LRP1B: variants seen among roughly 807,000 people sequenced by gnomAD.
The protein encoded by LRP1B is LDL receptor related protein 1B.
In LRP1B, 217 loss-of-function variants were observed where a neutral mutation model predicts 556.6. That is an observed-to-expected ratio of 0.39 (90% CI 0.35 to 0.44). The LOEUF (loss-of-function observed/expected upper bound fraction) is 0.44. LRP1B is among the 20% of genes least tolerant of loss of function. The pLI, the probability that LRP1B is intolerant of heterozygous loss-of-function variation, is 1.00. For missense variants in LRP1B, 5,053 were observed against 5,620.8 expected, an observed-to-expected ratio of 0.90 and a Z score of 3.23; for synonymous variants, 2,047 against 1,865.8, an observed-to-expected ratio of 1.10 and a Z score of -2.50.
chr2:140,737,365 C>G (rs1429067105), intron 35 of LRP1B, among the ~76,000 whole-genome samples: 1 of 151,984 alleles, frequency 6.6e-6, no homozygotes, highest in Non-Finnish European at 1.5e-5. Context: ...CTCTGATGAC[C>G]CAAGGTGAAA....
intron 72 of LRP1B, among the ~76,000 whole-genome samples, 181 bp downstream of exon 72, chr2:140,364,480 A>G (rs1294777247): frequency 2.0e-5 from 3 of 151,652 alleles, no homozygotes; most frequent in Non-Finnish European, 3.0e-5. Context: ...CTATAAAGTC[A>G]TAACTTCGGA....
intron 59 of LRP1B, among the ~76,000 whole-genome samples, chr2:140,476,622 C>A (rs892881804): frequency 1.3e-5 from 2 of 151,878 alleles, no homozygotes; most frequent in Non-Finnish European, 2.9e-5. Flanking sequence ...TGTGTTTTGA[C>A]AATCATTTTC....
At chr2:141,181,237 T>C (rs1680976981) in intron 7 of LRP1B, among the ~76,000 whole-genome samples, 1 of 151,880 alleles carries the variant, frequency 6.6e-6, no homozygotes, top group African/African-American at 2.4e-5. Context: ...CTTCAATAGA[T>C]ACCTTATGAC....
intron 41 of LRP1B, among the ~76,000 whole-genome samples, chr2:140,642,781 T>C (rs1684346667): frequency 6.6e-6 from 1 of 152,066 alleles, no homozygotes; most frequent in Non-Finnish European, 1.5e-5. Context: ...GAGGCGGAGC[T>C]TGCATTGAGC....
intron 2 of LRP1B, among the ~76,000 whole-genome samples, chr2:141,518,056 G>A (rs1301907099): frequency 2.0e-5 from 3 of 152,106 alleles, no homozygotes; most frequent in African/African-American, 7.2e-5. Context: ...AAAACTGTGG[G>A]AAAGGTAGAC....
At chr2:141,357,337 T>C (rs1440738543) in intron 3 of LRP1B, among the ~76,000 whole-genome samples, 1 of 152,114 alleles carries the variant, frequency 6.6e-6, no homozygotes, top group African/African-American at 2.4e-5. Context: ...TTGATGAAGG[T>C]TTTTCCATCA....
At chr2:141,657,443 G>T (rs1690054820) in intron 2 of LRP1B, among the ~76,000 whole-genome samples, 1 of 152,056 alleles carries the variant, frequency 6.6e-6, no homozygotes, top group Non-Finnish European at 1.5e-5. Flanking sequence ...TCCCTATTAT[G>T]AATAGCAATT....
At chr2:141,120,596 A>G (rs1701023868) in intron 7 of LRP1B, among the ~76,000 whole-genome samples, 1 of 152,032 alleles carries the variant, frequency 6.6e-6, no homozygotes. Context: ...AGGTAATAAG[A>G]TCGAACATTG....
chr2:140,545,176 C>T (rs1249162819), intron 43 of LRP1B, among the ~76,000 whole-genome samples: 1 of 148,338 alleles, frequency 6.7e-6, no homozygotes, highest in Non-Finnish European at 1.5e-5. Flanking sequence ...CTTATTAATG[C>T]TAGGTATTAG....
intron 17 of LRP1B, among the ~76,000 whole-genome samples, chr2:140,988,599 T>A (rs1696998836): frequency 6.6e-6 from 1 of 152,124 alleles, no homozygotes; most frequent in Non-Finnish European, 1.5e-5. Context: ...GAGAGGTATG[T>A]CTTTCCAAGA....
At chr2:140,731,402 T>A (rs1279576885) in intron 35 of LRP1B, among the ~76,000 whole-genome samples, 1 of 152,192 alleles carries the variant, frequency 6.6e-6, no homozygotes, top group Admixed American at 6.5e-5. Flanking sequence ...GTATAAGAGT[T>A]ATTAGCATAG....
At chr2:141,835,416 T>C (rs1697245493) in intron 1 of LRP1B, among the ~76,000 whole-genome samples, 1 of 151,696 alleles carries the variant, frequency 6.6e-6, no homozygotes, top group African/African-American at 2.4e-5. Context: ...CTGCATAATA[T>C]TCTCATGGAT....
At chr2:141,538,773 G>A (rs1030308798) in intron 2 of LRP1B, among the ~76,000 whole-genome samples, 1 of 151,958 alleles carries the variant, frequency 6.6e-6, no homozygotes. Context: ...CAAGTAGCTG[G>A]GATTATAAGC....
intron 1 of LRP1B, among the ~76,000 whole-genome samples, chr2:141,885,340 C>A (rs549252753): frequency 6.6e-6 from 1 of 152,096 alleles, no homozygotes; most frequent in Non-Finnish European, 1.5e-5. Flanking sequence ...GTGACTGATA[C>A]AGAGTCTATT....
chr2:141,774,171 C>T (rs1463547331), intron 2 of LRP1B, among the ~76,000 whole-genome samples: 2 of 152,112 alleles, frequency 1.3e-5, no homozygotes, highest in Admixed American at 6.5e-5. Context: ...ATTTTGAGTA[C>T]AAAAAGATAG....
chr2:140,256,449 CTTTTTTTTTTTTTTTTTTTTTTTT>C lies in LRP1B; in HGVS notation c.13248-9311_13248-9288del, dbSNP rs764826231. Among the ~76,000 whole-genome samples the C allele has an allele frequency of 4.3e-3, 110 of 25,342 alleles. 3 individuals carry two copies. Among genetic ancestry groups the C allele is most frequent in the African/African-American group, 0.013 (104 of 7,744 alleles). The allele number at this position is 25,342 out of a possible 152,430, so 16.6% of individuals were successfully genotyped here. A position where few individuals can be genotyped will look rare whatever the true frequency, so the allele number is the denominator to read the frequency against. On this transcript the variant is annotated intron_variant, in intron 86 of 90. Coordinates refer to ENST00000389484, the MANE Select transcript of LRP1B (RefSeq NM_018557.3). ...GGTTTTCTTTTCTCTTTTTTCCTTC[CTTTTTTTTTTTTTTTTTTTTTTTT>C]TTTTTTTTTTTTTTAAGACAGAGTC...
At chr2:141,336,229 C>G (rs146092318) in intron 3 of LRP1B, among the ~76,000 whole-genome samples, 1,803 of 151,986 alleles carry the variant, frequency 0.012, 17 homozygotes, top group Non-Finnish European at 0.019. Flanking sequence ...TTCTTCCTGT[C>G]TCTTAAATGG....
At chr2:140,743,738 T>C (rs1266428355) in intron 35 of LRP1B, among the ~76,000 whole-genome samples, 1 of 151,582 alleles carries the variant, frequency 6.6e-6, no homozygotes, top group African/African-American at 2.4e-5. Flanking sequence ...GGCGGGTGGA[T>C]CACAAAGTCA....
chr2:141,250,076 C>T (rs1684206630), intron 4 of LRP1B, among the ~76,000 whole-genome samples: 1 of 152,144 alleles, frequency 6.6e-6, no homozygotes. Context: ...TGGATTGAAG[C>T]TGTGGTATTA....
Sources: allele counts gnomAD v4.1 joint callset (sites outside exome capture counted in the v4.1 genomes callset), GRCh38; gene constraint gnomAD v4.1.1; transcripts MANE v1.5; gene names NCBI Gene and HGNC (gene_info 2026-07-23, HGNC 2026-07-21).